The following SLC2A14 variants were observed in gnomAD, a reference collection of about 807,000 sequenced individuals.
SLC2A14 encodes solute carrier family 2 member 14.
Under a neutral mutation model 43.0 loss-of-function variants are expected in SLC2A14, and 13 were observed. That is an observed-to-expected ratio of 0.30 (90% CI 0.20 to 0.48). SLC2A14 has a LOEUF of 0.48. Among genes scored for constraint, SLC2A14 ranks in the 20% least tolerant of loss-of-function variants. The pLI is 0.99. For synonymous variants in SLC2A14, 190 were observed against 233.8 expected (o/e 0.81, Z 1.71); for missense variants, 428 against 620.4 (o/e 0.69, Z 3.29).
rs73272964 is a variant in SLC2A14, at chr12:7,815,550, C to T, written c.1276-1016G>A. On this transcript the variant is annotated intron_variant, in intron 10 of 10. Coordinates refer to ENST00000431042, the MANE Select transcript of SLC2A14 (RefSeq NM_001286234.2). ...TAATCTTTCATAGCGTCAGTAATTA[C>T]AGTAGTCCCCAGTTATCCAGTTTTG... Among the ~76,000 whole-genome samples, 900 of 152,180 alleles carry T rather than the reference C, an allele frequency of 5.9e-3. 12 individuals carry two copies. Among genetic ancestry groups the T allele is most frequent in the African/African-American group, 0.021 (859 of 41,516 alleles).
rs779865048 is a variant in SLC2A14, at chr12:7,828,686, A to C, written c.676+18T>G. ...CACAACCATATACTTTGTATACTAAAGAGTGAAAGATACTCACTCCGCGTA... is the reference window on the plus strand; with the variant it reads ...CACAACCATATACTTTGTATACTAACGAGTGAAAGATACTCACTCCGCGTA... On this transcript the variant is annotated intron_variant, in intron 6 of 10. Coordinates refer to ENST00000431042, the MANE Select transcript of SLC2A14 (RefSeq NM_001286234.2). The C allele has an allele frequency of 1.2e-6, 2 of 1,612,680 alleles. No homozygotes were observed. Among genetic ancestry groups the C allele is most frequent in the Non-Finnish European group, 1.7e-6 (2 of 1,178,858 alleles).
intron 2 of SLC2A14, among the ~76,000 whole-genome samples, chr12:7,864,618 G>A (rs1205992770): frequency 2.0e-5 from 3 of 152,184 alleles, no homozygotes; most frequent in Admixed American, 6.5e-5. Context: ...GATTACAGGC[G>A]TGAGCCACCG....
At chr12:7,878,986 A>AAC (rs1555149650) in intron 1 of SLC2A14, among the ~76,000 whole-genome samples, 2 of 88,210 alleles carry the variant, frequency 2.3e-5, no homozygotes, top group African/African-American at 8.6e-5. Flanking sequence ...CAAAAAAAAA[A>AAC]AAAAAAAAAA....
chr12:7,841,821 C>T (rs1865969605), intron 2 of SLC2A14, among the ~76,000 whole-genome samples: 1 of 151,970 alleles, frequency 6.6e-6, no homozygotes, highest in Non-Finnish European at 1.5e-5. Context: ...GCCCAACCAA[C>T]ATGGTGAAAC....
At chr12:7,891,038 G>C (rs1484546696) in exon 1 of SLC2A14, 1 of 1,535,138 alleles carries the variant, frequency 6.5e-7, no homozygotes, top group Admixed American at 2.0e-5. Flanking sequence ...CCAGAGTGGA[G>C]GTCTGAGAAG....
At chr12:7,833,508 T>C (rs1334235157) in intron 2 of SLC2A14, among the ~76,000 whole-genome samples, 1 of 152,240 alleles carries the variant, frequency 6.6e-6, no homozygotes, top group African/African-American at 2.4e-5. Flanking sequence ...GGCTCATGCC[T>C]GTCATCCCAG....
intron 1 of SLC2A14, 141 bp from the exon 2 acceptor site, chr12:7,870,078 T>C (rs775034842): frequency 1.1e-4 from 59 of 532,074 alleles, no homozygotes; most frequent in Middle Eastern, 2.8e-4. Flanking sequence ...TATAATTCTA[T>C]TGATGTTTTA....
chr12:7,882,938 T>C (rs544858020), intron 1 of SLC2A14, among the ~76,000 whole-genome samples: 86 of 150,222 alleles, frequency 5.7e-4, no homozygotes, highest in South Asian at 2.1e-3. Flanking sequence ...TGGCTAGGTG[T>C]GGTGGCTCGT....
upstream of SLC2A14, among the ~76,000 whole-genome samples, chr12:7,877,124 C>T (rs1945477208): frequency 6.6e-6 from 1 of 151,814 alleles, no homozygotes; most frequent in Non-Finnish European, 1.5e-5. Context: ...CAGCTTCAGC[C>T]TCCCAAGAGC....
chr12:7,829,039 C>T (rs922860510), intron 5 of SLC2A14, among the ~76,000 whole-genome samples, 173 bp from the exon 6 acceptor site: 4 of 151,730 alleles, frequency 2.6e-5, no homozygotes, highest in African/African-American at 9.7e-5. Flanking sequence ...ATGGTGAAAC[C>T]CCGTCTCTAC....
intron 2 of SLC2A14, among the ~76,000 whole-genome samples, chr12:7,842,971 G>A (rs990797450): frequency 4.0e-5 from 6 of 151,718 alleles, no homozygotes; most frequent in African/African-American, 1.5e-4. Context: ...CAGGTGATCC[G>A]CCCGCCTCAG....
intron 2 of SLC2A14, among the ~76,000 whole-genome samples, chr12:7,868,196 C>A (rs964556448): frequency 2.0e-5 from 3 of 152,118 alleles, no homozygotes; most frequent in African/African-American, 7.2e-5. Flanking sequence ...GAGGCAAGAC[C>A]CTCCAGAGGC....
chr12:7,890,536 C>T (rs1945758818), intron 1 of SLC2A14, among the ~76,000 whole-genome samples: 1 of 152,060 alleles, frequency 6.6e-6, no homozygotes, highest in African/African-American at 2.4e-5. Context: ...TTTTGATCAA[C>T]TCTACTAAAT....
At position 7,821,338 on chromosome 12, in the gene SLC2A14, A is replaced by G. The variant is rs761755666; in HGVS notation, c.865-13T>C. 8.1e-6 allele frequency: 13 copies of G among 1,602,994 alleles called. No individual in the cohort carries two copies. Among genetic ancestry groups the G allele is most frequent in the Non-Finnish European group, 1.0e-5 (12 of 1,170,378 alleles). The stretch of plus-strand genomic sequence containing the variant: ...AGTAATAGAACACCTAGGAGAAAAG[A>G]AAACATGCAGCTTTGATAAAATTCT... On this transcript the variant is annotated splice_polypyrimidine_tract_variant and intron_variant, in intron 7 of 10. Coordinates refer to ENST00000431042, the MANE Select transcript of SLC2A14 (RefSeq NM_001286234.2).
In SLC2A14 at chr12:7,863,989, G is replaced by A. The variant is rs557002079; in HGVS notation, c.18+5874C>T. Among the ~76,000 whole-genome samples, 116 of 151,702 alleles carry A rather than the reference G, an allele frequency of 7.6e-4. 2 individuals are homozygous for A. The highest frequency in any genetic ancestry group is 3.4e-3 in the Middle Eastern group (1 of 294). ...TGCCACCATGCCTGGCTAATTTTTT[G>A]TGTTTTTTAGTAGAGCCAGGGTTTC... On this transcript the variant is annotated intron_variant, in intron 2 of 10. Transcript: ENST00000431042.
chr12:7,877,351 T>G (rs1945480676), upstream of SLC2A14, among the ~76,000 whole-genome samples: 1 of 152,108 alleles, frequency 6.6e-6, no homozygotes, highest in African/African-American at 2.4e-5. Context: ...CTCTGTTACC[T>G]AGGCTGGAGT....
At chr12:7,836,988 G>A (rs1865512902) in intron 2 of SLC2A14, among the ~76,000 whole-genome samples, 1 of 151,700 alleles carries the variant, frequency 6.6e-6, no homozygotes, top group African/African-American at 2.4e-5. Context: ...CCAATATAGT[G>A]AAACCCCATC....
chr12:7,856,176 C>T (rs753718891), intron 2 of SLC2A14: 3 of 152,086 alleles, frequency 2.0e-5, no homozygotes, highest in Admixed American at 6.6e-5. Flanking sequence ...CCTGCCCAGT[C>T]GTAGTGGTGC....
At chr12:7,862,340 G>A (rs1303882987) in intron 2 of SLC2A14, among the ~76,000 whole-genome samples, 2 of 151,442 alleles carry the variant, frequency 1.3e-5, no homozygotes, top group Admixed American at 1.3e-4. Flanking sequence ...CAGCACTTTG[G>A]AAGGCCGAGA....
Sources: allele counts gnomAD v4.1 joint callset (sites outside exome capture counted in the v4.1 genomes callset), GRCh38; gene constraint gnomAD v4.1.1; transcripts MANE v1.5; gene names NCBI Gene and HGNC (gene_info 2026-07-23, HGNC 2026-07-21).